The following TBC1D31 variants were observed in gnomAD, a reference collection of about 807,000 sequenced individuals.
The protein encoded by TBC1D31 is TBC1 domain family member 31, also known as WD repeat domain 67.
Under a neutral mutation model 132.9 loss-of-function variants are expected in TBC1D31, and 99 were observed. The observed-to-expected ratio is 0.74, with a 90% CI of 0.63 to 0.88. The LOEUF is 0.88. Ranked by LOEUF, TBC1D31 falls within the 40% of genes least tolerant of loss-of-function variation. The pLI is 0.00. For missense variants in TBC1D31, 1,134 were observed against 1,256.6 expected (o/e 0.90, Z 1.48); for synonymous variants, 385 against 419.4 (o/e 0.92, Z 1.00).
chr8:123,102,992 C>G (rs1373061825), intron 7 of TBC1D31: 1 of 152,170 alleles, frequency 6.6e-6, no homozygotes, highest in African/African-American at 2.4e-5. Flanking sequence ...GCTGTGAGTT[C>G]AATGATAAGG....
chr8:123,082,893 G>C (rs915839723), intron 3 of TBC1D31, 76 bp downstream of exon 3: 7 of 1,026,756 alleles, frequency 6.8e-6, no homozygotes, highest in Non-Finnish European at 1.0e-5. Context: ...TTATCACTCT[G>C]TACAGCTTGA....
Position 123,144,786 on chromosome 8 carries a change from T to C in TBC1D31, c.2905T>C (p.Ser969Pro). 6.2e-7 allele frequency: 1 copy of C among 1,613,822 alleles called. No individual in the cohort carries two copies. The highest frequency in any genetic ancestry group is 1.3e-5 in the African/African-American group (1 of 75,040). The part of the protein sequence containing the change: ...AKKASALSDA[S>P]RKWFLKQEIN... ...GAAAGCTTCTGCTCTTTCAGATGCG[T>C]CTAGAAAGTGGTTTTTAAAGCAAGA... The change falls in exon 20 of 22, where the codon TCT (serine) becomes CCT (proline). Residue 969 changes from serine (S) to proline (P), a missense_variant. Physicochemically the swap from Ser to Pro is moderately conservative, Grantham distance 74 (BLOSUM62 -1). Coordinates refer to ENST00000287380, the MANE Select transcript of TBC1D31 (RefSeq NM_145647.4).
chr8:123,140,452 A>C (rs952926182), intron 17 of TBC1D31, among the ~76,000 whole-genome samples: 2 of 152,198 alleles, frequency 1.3e-5, no homozygotes, highest in African/African-American at 4.8e-5. Flanking sequence ...TGTTCTTACC[A>C]AGATTCAGCC....
intron 17 of TBC1D31, among the ~76,000 whole-genome samples, chr8:123,140,015 A>G (rs1821476786): frequency 1.3e-5 from 2 of 151,896 alleles, no homozygotes; most frequent in South Asian, 4.2e-4. Flanking sequence ...TCTCCGTCCA[A>G]CCCCCTTTTG....
chr8:123,155,543 G>A (rs1822966928), downstream of TBC1D31, among the ~76,000 whole-genome samples: 1 of 152,140 alleles, frequency 6.6e-6, no homozygotes, highest in Non-Finnish European at 1.5e-5. This position sits in a 1 kb window ranked among gnomAD's most constrained non-coding sequence, Gnocchi z 4.1. Context: ...TGTTGCTTGA[G>A]ATATGTAACA....
intron 4 of TBC1D31, among the ~76,000 whole-genome samples, chr8:123,089,564 C>G (rs537384728): frequency 6.6e-6 from 1 of 152,060 alleles, no homozygotes; most frequent in African/African-American, 2.4e-5. Flanking sequence ...AAAAAATAGC[C>G]TGGTATGCTG....
At chr8:123,099,996 G>A (rs1817222973) in intron 6 of TBC1D31, among the ~76,000 whole-genome samples, 1 of 152,134 alleles carries the variant, frequency 6.6e-6, no homozygotes, top group Non-Finnish European at 1.5e-5. Context: ...ATCTTTTCAT[G>A]AGGGCAGAGC....
At position 123,151,902 on chromosome 8, in the gene TBC1D31, G is replaced by A. The variant is rs746780529; in HGVS notation, c.3164G>A (p.Arg1055His). The A allele has an allele frequency of 2.0e-5, 32 of 1,578,060 alleles. No individual in the cohort carries two copies. The Middle Eastern group carries it at 5.0e-4, about 25-fold the overall frequency. ...CGCCAGAGACTCACTGCCCGGGCTC[G>A]TCACAGATGTCAAACCCCTCATCTT... is the stretch of plus-strand genomic sequence containing the variant. ...NLRQRLTARARHRCQTPHLLA... is the reference protein window; with the variant it reads ...NLRQRLTARAHHRCQTPHLLA... Residue 1055 changes from arginine (R) to histidine (H), a missense_variant, in exon 22 of 22, where the codon CGT becomes CAT. Coordinates refer to ENST00000287380, the MANE Select transcript of TBC1D31 (RefSeq NM_145647.4).
chr8:123,101,437 G>A (rs1238253769), intron 7 of TBC1D31, among the ~76,000 whole-genome samples: 3 of 151,884 alleles, frequency 2.0e-5, no homozygotes, highest in East Asian at 3.8e-4. Flanking sequence ...TTTTTGAGAC[G>A]GAGTTTTGCT....
chr8:123,120,428 T>A (rs1322605412), intron 11 of TBC1D31, among the ~76,000 whole-genome samples: 1 of 152,178 alleles, frequency 6.6e-6, no homozygotes, highest in Non-Finnish European at 1.5e-5. Flanking sequence ...TCCCAGCACT[T>A]TGGGAGGCTG....
intron 1 of TBC1D31, chr8:123,073,232 C>G (rs997330109): frequency 4.3e-6 from 2 of 468,768 alleles, no homozygotes; most frequent in South Asian, 1.6e-5. Flanking sequence ...GGAGGAGATG[C>G]GGGGTGGAAG....
At chr8:123,101,863 C>G (rs1259316222) in intron 7 of TBC1D31, among the ~76,000 whole-genome samples, 1 of 152,130 alleles carries the variant, frequency 6.6e-6, no homozygotes, top group Non-Finnish European at 1.5e-5. Flanking sequence ...TTGCCCTGCC[C>G]ATCCTTCCAT....
At chr8:123,130,427 T>G in intron 16 of TBC1D31, 94 bp downstream of exon 16, 2 of 1,215,268 alleles carry the variant, frequency 1.6e-6, no homozygotes, top group Non-Finnish European at 2.2e-6. Context: ...ATTCTTAGAG[T>G]CCACCATGAA....
At chr8:123,161,465 G>A in the TBC1D31 span, among the ~76,000 whole-genome samples, 2 of 152,158 alleles carry the variant, frequency 1.3e-5, no homozygotes, top group Non-Finnish European at 2.9e-5. Context: ...CCTCACTTAC[G>A]AAAGCGAAAC....
chr8:123,097,185 G>C, intron 5 of TBC1D31, 97 bp from the exon 6 acceptor site: 2 of 1,329,774 alleles, frequency 1.5e-6, no homozygotes, highest in Non-Finnish European at 2.1e-6. Flanking sequence ...GCATAGCATA[G>C]ACACAGTACA....
chr8:123,076,219 G>A (rs1324036266), intron 1 of TBC1D31, among the ~76,000 whole-genome samples: 1 of 152,108 alleles, frequency 6.6e-6, no homozygotes, highest in Non-Finnish European at 1.5e-5. Flanking sequence ...TGCCACCTCA[G>A]ACTCCTGAGT....
At chr8:123,130,127 C>A (rs1586699834) in intron 15 of TBC1D31, 71 bp from the exon 16 acceptor site, 13 of 1,464,304 alleles carry the variant, frequency 8.9e-6, no homozygotes, top group East Asian at 6.9e-5. Context: ...GCATGGCAGA[C>A]CTGTTATGAA....
At chr8:123,081,776 C>A (rs1386919657) in intron 2 of TBC1D31, among the ~76,000 whole-genome samples, 4 of 152,164 alleles carry the variant, frequency 2.6e-5, no homozygotes, top group Admixed American at 2.0e-4. Context: ...AAAGGGGTTT[C>A]CCCGTATAAA....
chr8:123,091,087 TA>T (rs1167177084), intron 4 of TBC1D31, among the ~76,000 whole-genome samples: 5 of 152,178 alleles, frequency 3.3e-5, no homozygotes, highest in Admixed American at 3.3e-4. Context: ...TCCTTGAACC[TA>T]ACCCCCCAAA....
Sources: gnomAD v4.1 joint callset for allele counts (sites outside exome capture counted in the v4.1 genomes callset) on GRCh38, gnomAD v4.1.1 for gene constraint, Gnocchi (gnomAD v3.1) non-coding constraint, MANE v1.5 for transcripts, NCBI Gene and HGNC (gene_info 2026-07-23, HGNC 2026-07-21) for gene names.